Variants in ASPRV1 observed in about 807,000 individuals in gnomAD.
ASPRV1 encodes retroviral-like aspartic protease 1.
ASPRV1 carries 7 observed loss-of-function variants against 11.0 expected under a neutral mutation model. The ratio of observed to expected loss-of-function variants is 0.64; its 90% confidence interval spans 0.36 to 1.20. The LOEUF is 1.20. Ranked by LOEUF, ASPRV1 falls within the 50% of genes most tolerant of loss-of-function variation. The pLI is 0.02. For missense variants in ASPRV1, 299 were observed against 320.0 expected (o/e 0.93, Z 0.50); for synonymous variants, 136 against 138.4 (o/e 0.98, Z 0.12).
the ASPRV1 span, among the ~76,000 whole-genome samples, chr2:69,981,474 A>T: frequency 6.6e-6 from 1 of 152,378 alleles, no homozygotes; most frequent in South Asian, 2.1e-4. Context: ...AATTAGAGTG[A>T]ATCATAGTTT....
chr2:69,988,500 C>T, the ASPRV1 span: 1 of 307,208 alleles, frequency 3.3e-6, no homozygotes, highest in Non-Finnish European at 6.5e-6. Context: ...GCGGTGGTTG[C>T]AGGAGCTGCA....
At chr2:70,084,205 T>C in the ASPRV1 span, among the ~76,000 whole-genome samples, 19,639 of 152,186 alleles carry the variant, frequency 0.13, 1,863 homozygotes, top group Non-Finnish European at 0.2. Flanking sequence ...AAGAAAGACC[T>C]GACAGATAAA....
At chr2:70,045,261 T>C in the ASPRV1 span, 1 of 152,210 alleles carries the variant, frequency 6.6e-6, no homozygotes, top group Non-Finnish European at 1.5e-5. Context: ...AAATAAATCC[T>C]AGCTCAGCCT....
At chr2:70,022,394 A>AAC in the ASPRV1 span, among the ~76,000 whole-genome samples, 1 of 132,846 alleles carries the variant, frequency 7.5e-6, no homozygotes, top group South Asian at 2.6e-4. Context: ...CACACACACA[A>AAC]ACACAAGCAG....
the ASPRV1 span, among the ~76,000 whole-genome samples, chr2:70,066,604 TA>T: frequency 2.0e-5 from 3 of 151,394 alleles, no homozygotes; most frequent in African/African-American, 7.3e-5. Context: ...CATTTTACTT[TA>T]TTTTTTTTTT....
chr2:69,999,097 ATTTAT>A, the ASPRV1 span, among the ~76,000 whole-genome samples: 8 of 152,114 alleles, frequency 5.3e-5, no homozygotes, highest in African/African-American at 1.7e-4. Flanking sequence ...CTAGATTAAT[ATTTAT>A]TTTATTTTTT....
the ASPRV1 span, chr2:69,941,166 C>T: frequency 3.9e-5 from 6 of 152,160 alleles, no homozygotes; most frequent in East Asian, 1.2e-3. Flanking sequence ...AAAATCTAAA[C>T]TGCACTCTTA....
the ASPRV1 span, among the ~76,000 whole-genome samples, chr2:70,024,974 C>T: frequency 3.1e-4 from 47 of 152,296 alleles, no homozygotes; most frequent in Middle Eastern, 3.4e-3. Context: ...TGCAAAAGAT[C>T]CACCTTTTGA....
the ASPRV1 span, among the ~76,000 whole-genome samples, chr2:69,973,660 G>GT: frequency 6.6e-6 from 1 of 152,202 alleles, no homozygotes; most frequent in African/African-American, 2.4e-5. Context: ...AACTTTACTT[G>GT]TTTGTCAATG....
At chr2:70,029,341 A>T in the ASPRV1 span, among the ~76,000 whole-genome samples, 2 of 152,244 alleles carry the variant, frequency 1.3e-5, no homozygotes, top group East Asian at 1.9e-4. Flanking sequence ...ATAAAAACAA[A>T]AACAAAAACA....
chr2:69,982,474 G>A, the ASPRV1 span, among the ~76,000 whole-genome samples: 1 of 152,042 alleles, frequency 6.6e-6, no homozygotes, highest in Non-Finnish European at 1.5e-5. Context: ...AGTTTTCTAA[G>A]ATTTTTAAAT....
chr2:70,086,835 C>A, the ASPRV1 span: 18,993 of 152,292 alleles, frequency 0.12, 1,715 homozygotes, highest in South Asian at 0.25. Flanking sequence ...ACAGCAGAGC[C>A]GCGATTCGGC....
chr2:69,981,769 G>C, the ASPRV1 span, among the ~76,000 whole-genome samples: 4 of 152,214 alleles, frequency 2.6e-5, no homozygotes, highest in South Asian at 2.1e-4. Context: ...AGGTTGGCCA[G>C]GCTGGTCCTG....
the ASPRV1 span, among the ~76,000 whole-genome samples, chr2:69,945,828 C>G: frequency 2.0e-5 from 3 of 152,324 alleles, no homozygotes; most frequent in South Asian, 6.2e-4. Context: ...GAGGCCCACT[C>G]AGGCCCTGGA....
chr2:69,956,425 A>AAGAAAGAAGAAGGAGAAGGAGAAG (rs1677937165), downstream of ASPRV1, among the ~76,000 whole-genome samples: 4 of 123,078 alleles, frequency 3.2e-5, no homozygotes, highest in Non-Finnish European at 1.6e-5. Flanking sequence ...AAGAAGAAAG[A>AAGAAAGAAGAAGGAGAAGGAGAAG]AGAAAGAAGA....
chr2:69,939,736 C>T, the ASPRV1 span: 3 of 152,438 alleles, frequency 2.0e-5, no homozygotes, highest in Non-Finnish European at 4.4e-5. Context: ...GATGCTGAAG[C>T]AGAGTGTGTC....
At chr2:70,028,633 A>G in the ASPRV1 span, 1 of 152,208 alleles carries the variant, frequency 6.6e-6, no homozygotes, top group African/African-American at 2.4e-5. Flanking sequence ...AGGATCTTTA[A>G]GAGGTGATTA....
chr2:70,055,136 C>A, the ASPRV1 span, among the ~76,000 whole-genome samples: 3 of 152,152 alleles, frequency 2.0e-5, no homozygotes, highest in East Asian at 5.8e-4. Context: ...AACCCTGTCT[C>A]TATTAAAAAT....
chr2:70,007,239 G>C, the ASPRV1 span, among the ~76,000 whole-genome samples: 4 of 152,194 alleles, frequency 2.6e-5, no homozygotes, highest in Non-Finnish European at 2.9e-5. Flanking sequence ...TACTTAAGCC[G>C]GGCGCAGGTT....
Sources: allele counts gnomAD v4.1 joint callset (sites outside exome capture counted in the v4.1 genomes callset), GRCh38; gene constraint gnomAD v4.1.1; transcripts MANE v1.5; gene names NCBI Gene and HGNC (gene_info 2026-07-23, HGNC 2026-07-21).